Variants in CSMD1 observed in about 807,000 individuals in gnomAD.
The protein encoded by CSMD1 is CUB and sushi domain-containing protein 1.
In CSMD1, 213 loss-of-function variants were observed where a neutral mutation model predicts 417.5. The ratio of observed to expected loss-of-function variants is 0.51; its 90% CI spans 0.46 to 0.57. The LOEUF (loss-of-function observed/expected upper bound fraction) is 0.57, where lower values mean the gene tolerates loss of function less well. Among genes scored for constraint, CSMD1 ranks in the 20% least tolerant of loss-of-function variants. The pLI is 0.00. For synonymous variants in CSMD1, 2,862 were observed against 1,736.8 expected (o/e 1.65, Z -16.11); for missense variants, 6,923 against 4,529.7 (o/e 1.53, Z -15.17).
intron 12 of CSMD1, among the ~76,000 whole-genome samples, chr8:3,438,487 T>A (rs541585160): frequency 2.0e-5 from 3 of 152,178 alleles, no homozygotes. Flanking sequence ...CCTATAAGAA[T>A]GTTGTAGAAA....
At chr8:4,674,776 T>G (rs1365054586) in intron 1 of CSMD1, among the ~76,000 whole-genome samples, 1 of 152,196 alleles carries the variant, frequency 6.6e-6, no homozygotes, top group Non-Finnish European at 1.5e-5. Context: ...TGCTATAGAT[T>G]GAATCGTGTC....
At chr8:4,772,605 T>C (rs1475826099) in intron 1 of CSMD1, among the ~76,000 whole-genome samples, 2 of 152,224 alleles carry the variant, frequency 1.3e-5, no homozygotes, top group Non-Finnish European at 2.9e-5. Context: ...ATTAAAATTT[T>C]TTCTTAGTAT....
chr8:4,799,136 T>G (rs1370423349), intron 1 of CSMD1, among the ~76,000 whole-genome samples: 1 of 152,104 alleles, frequency 6.6e-6, no homozygotes, highest in African/African-American at 2.4e-5. Context: ...CTTGATCAAC[T>G]CAATACATGA....
intron 2 of CSMD1, among the ~76,000 whole-genome samples, chr8:4,584,345 G>A (rs1016503198): frequency 5.9e-5 from 9 of 151,980 alleles, no homozygotes; most frequent in South Asian, 4.2e-4. Flanking sequence ...ATCGCCAATC[G>A]CCAAGCAGTG....
At chr8:4,277,746 T>G (rs997482656) in intron 3 of CSMD1, among the ~76,000 whole-genome samples, 18 of 152,228 alleles carry the variant, frequency 1.2e-4, no homozygotes, top group African/African-American at 4.3e-4. Flanking sequence ...CCTAAATGTA[T>G]TTTTATTTTT....
chr8:3,557,253 T>C (rs1007187120), intron 10 of CSMD1, among the ~76,000 whole-genome samples: 2 of 152,216 alleles, frequency 1.3e-5, no homozygotes, highest in Non-Finnish European at 2.9e-5. Flanking sequence ...AAATAATATG[T>C]AGATTTGTGG....
chr8:4,129,973 G>T (rs1327330356), intron 3 of CSMD1, among the ~76,000 whole-genome samples: 7 of 151,936 alleles, frequency 4.6e-5, no homozygotes, highest in Non-Finnish European at 1.0e-4. Flanking sequence ...TTTCTTCCCA[G>T]TTGCTTTACC....
intron 26 of CSMD1, among the ~76,000 whole-genome samples, chr8:3,237,372 C>G (rs935213305): frequency 1.3e-5 from 2 of 151,460 alleles, no homozygotes; most frequent in African/African-American, 4.8e-5. Flanking sequence ...GAGGCTGAGG[C>G]AGGAGACTCA....
At chr8:3,663,742 T>C (rs2117470696) in intron 7 of CSMD1, among the ~76,000 whole-genome samples, 1 of 152,306 alleles carries the variant, frequency 6.6e-6, no homozygotes, top group East Asian at 1.9e-4. Context: ...TGTCCTGCCT[T>C]TCTGGACCGA....
At chr8:3,617,994 C>T (rs1338718959) in intron 7 of CSMD1, among the ~76,000 whole-genome samples, 1 of 152,036 alleles carries the variant, frequency 6.6e-6, no homozygotes, top group African/African-American at 2.4e-5. Flanking sequence ...GTAATCATAT[C>T]AAGTTTAGCT....
intron 5 of CSMD1, among the ~76,000 whole-genome samples, chr8:3,882,782 T>C (rs1049909309): frequency 3.3e-5 from 5 of 152,128 alleles, no homozygotes; most frequent in African/African-American, 7.2e-5. Flanking sequence ...AGCAAAACAA[T>C]GCAAAATCTA....
intron 7 of CSMD1, among the ~76,000 whole-genome samples, chr8:3,675,279 C>T (rs1307771147): frequency 6.6e-6 from 1 of 152,180 alleles, no homozygotes; most frequent in East Asian, 1.9e-4. Flanking sequence ...CATTCCCCTG[C>T]TCCTGGAGGG....
chr8:3,665,752 G>T (rs576556725), intron 7 of CSMD1, among the ~76,000 whole-genome samples: 1 of 108,986 alleles, frequency 9.2e-6, no homozygotes, highest in African/African-American at 2.9e-5. Flanking sequence ...ATATAGGAAG[G>T]TGTTTATCCA....
At chr8:3,447,754 G>T (rs113160620) in intron 12 of CSMD1, among the ~76,000 whole-genome samples, 4 of 152,204 alleles carry the variant, frequency 2.6e-5, no homozygotes, top group African/African-American at 9.6e-5. Flanking sequence ...TGGCCAGTCA[G>T]GTTCTCCGTG....
chr8:4,141,355 T>C (rs953815501), intron 3 of CSMD1, among the ~76,000 whole-genome samples: 6 of 151,226 alleles, frequency 4.0e-5, no homozygotes, highest in African/African-American at 1.5e-4. Context: ...AGTATGCTCA[T>C]GAAGCTTGTA....
chr8:3,956,358 A>G (rs527708261), intron 5 of CSMD1, among the ~76,000 whole-genome samples: 1 of 152,316 alleles, frequency 6.6e-6, no homozygotes, highest in African/African-American at 2.4e-5. Flanking sequence ...CAGTTGCCTT[A>G]TAGAACAATT....
At chr8:3,096,570 G>C (rs1400747395) in intron 47 of CSMD1, among the ~76,000 whole-genome samples, 1 of 152,114 alleles carries the variant, frequency 6.6e-6, no homozygotes, top group Non-Finnish European at 1.5e-5. Context: ...ATCTGGAACT[G>C]TAAATCCATT....
chr8:4,517,719 T>C (rs1803201755), intron 2 of CSMD1, among the ~76,000 whole-genome samples: 1 of 152,238 alleles, frequency 6.6e-6, no homozygotes, highest in Non-Finnish European at 1.5e-5. Context: ...TAGTTTTAAA[T>C]AACTCGTTTA....
At chr8:4,083,386 T>C (rs1276709517) in intron 3 of CSMD1, among the ~76,000 whole-genome samples, 1 of 152,204 alleles carries the variant, frequency 6.6e-6, no homozygotes, top group Non-Finnish European at 1.5e-5. Flanking sequence ...CATTTTTTCA[T>C]GTGTTTTTTG....
Sources: gnomAD v4.1 joint callset for allele counts (sites outside exome capture counted in the v4.1 genomes callset) on GRCh38, gnomAD v4.1.1 for gene constraint, MANE v1.5 for transcripts, NCBI Gene and HGNC (gene_info 2026-07-23, HGNC 2026-07-21) for gene names.